The following TICRR variants were observed in gnomAD, a reference collection of about 807,000 sequenced individuals.
TICRR encodes TOPBP1 interacting checkpoint and replication regulator, also known as treslin.
In TICRR, 132 loss-of-function variants were observed where a neutral mutation model predicts 178.1. That is an observed-to-expected ratio of 0.74 (90% CI 0.64 to 0.86). The LOEUF (loss-of-function observed/expected upper bound fraction) is 0.86. Ranked by LOEUF, TICRR falls within the 40% of genes least tolerant of loss-of-function variation. The pLI, the probability that TICRR is intolerant of heterozygous loss-of-function variation, is 0.00. For synonymous variants in TICRR, 991 were observed against 900.7 expected (o/e 1.10, Z -1.79); for missense variants, 2,587 against 2,334.3 (o/e 1.11, Z -2.23).
chr15:89,595,092 A>G (rs1962974557), intron 6 of TICRR, among the ~76,000 whole-genome samples: 1 of 152,186 alleles, frequency 6.6e-6, no homozygotes, highest in African/African-American at 2.4e-5. Flanking sequence ...TTTCGTGGCC[A>G]TTGGGTAACA....
At chr15:89,608,639 T>C in intron 14 of TICRR, 164 bp from the exon 15 acceptor site, 2 of 514,170 alleles carry the variant, frequency 3.9e-6, no homozygotes, top group East Asian at 3.5e-5. Flanking sequence ...TTTAATGCAT[T>C]ATGGGAATAT....
Position 89,624,431 on chromosome 15 carries a change from C to G in TICRR, c.4121C>G (p.Pro1374Arg). ...CAGAGAGCTACATTGGACACCGTCC[C>G]TCCTCCACCCCCTTCTAAAGTTGGG... The part of the protein sequence containing the change: ...LSQRATLDTV[P>R]PPPPSKVGKR... Residue 1374 changes from proline (P) to arginine (R), a missense_variant, in exon 20 of 22, where the codon CCT (proline) becomes CGT (arginine). Coordinates refer to ENST00000268138, the MANE Select transcript of TICRR (RefSeq NM_152259.4). 6.2e-7 allele frequency: 1 copy of G among 1,614,180 alleles called. No homozygotes were observed. Among genetic ancestry groups the G allele is most frequent in the Non-Finnish European group, 8.5e-7 (1 of 1,180,028 alleles).
At chr15:89,586,180 T>C (rs542219933) in intron 4 of TICRR, among the ~76,000 whole-genome samples, 5 of 152,306 alleles carry the variant, frequency 3.3e-5, no homozygotes, top group Non-Finnish European at 7.4e-5. Flanking sequence ...TTTTAATATA[T>C]TTAAGAAATA....
chr15:89,594,651 T>A, intron 6 of TICRR, 97 bp downstream of exon 6: 1 of 1,156,732 alleles, frequency 8.6e-7, no homozygotes, highest in Non-Finnish European at 1.2e-6. Context: ...AAATGGTAAC[T>A]AAATAAAGAA....
Position 89,585,940 on chromosome 15 carries a change from C to T in TICRR, c.1409C>T (p.Ala470Val). ...THDSLADTAS[A>V]ASPVPEWAQQ... Reference sequence around the variant, plus strand: ...GATTCGCTTGCAGATACTGCTTCTGCTGGTAAGCTCCTAAACTAGTAACTA... The same window carrying T: ...GATTCGCTTGCAGATACTGCTTCTGTTGGTAAGCTCCTAAACTAGTAACTA... The change falls in exon 4 of 22, where the codon GCT becomes GTT. Residue 470 changes from alanine (A) to valine (V), a missense_variant and splice_region_variant. By Grantham distance (64) the Ala-to-Val change is moderately conservative (BLOSUM62 0). Transcript: ENST00000268138. 5.0e-6 allele frequency: 8 copies of T among 1,612,852 alleles called. No homozygotes were observed. Among genetic ancestry groups the T allele is most frequent in the Non-Finnish European group, 5.9e-6 (7 of 1,178,944 alleles).
chr15:89,594,378 G>C, intron 5 of TICRR, 37 bp from the exon 6 acceptor site: 1 of 1,544,548 alleles, frequency 6.5e-7, no homozygotes, highest in Non-Finnish European at 8.8e-7. Context: ...TGCAAAATTA[G>C]AATGTTGGTT....
chr15:89,606,663 C>T (rs1963179720), intron 13 of TICRR, 105 bp from the exon 14 acceptor site: 5 of 849,468 alleles, frequency 5.9e-6, no homozygotes, highest in African/African-American at 1.7e-5. Context: ...ATTATGGATC[C>T]CTATAAATGA....
Position 89,625,243 on chromosome 15 carries a change from C to A in TICRR, c.4933C>A (p.Gln1645Lys). The part of the protein sequence containing the change: ...GKSRGQTYIC[Q>K]ACTPTHGPSS... ...GAGCAGGGGGCAAACCTACATCTGC[C>A]AGGCCTGTACCCCCACCCACGGCCC... Residue 1645 changes from glutamine (Q) to lysine (K), a missense_variant, in exon 20 of 22, where the codon CAG becomes AAG. Gln to Lys is a moderately conservative substitution (Grantham distance 53, BLOSUM62 1). Coordinates refer to ENST00000268138, the MANE Select transcript of TICRR (RefSeq NM_152259.4). The A allele has an allele frequency of 6.2e-7, 1 of 1,613,682 alleles. No homozygotes were observed. Among genetic ancestry groups the A allele is most frequent in the Non-Finnish European group, 8.5e-7 (1 of 1,179,702 alleles).
chr15:89,584,635 T>C (rs1034855603), intron 3 of TICRR, 108 bp downstream of exon 3: 4 of 1,144,342 alleles, frequency 3.5e-6, no homozygotes, highest in Non-Finnish European at 4.7e-6. Flanking sequence ...TAAAACTGAT[T>C]ATGCTTTTGC....
intron 18 of TICRR, among the ~76,000 whole-genome samples, chr15:89,621,131 T>C (rs1243957404): frequency 6.6e-6 from 1 of 152,036 alleles, no homozygotes; most frequent in Non-Finnish European, 1.5e-5. Context: ...GCAATTCTTC[T>C]GCCTCAGCCT....
At chr15:89,576,270 C>A (rs747380886) in intron 1 of TICRR, 30 bp downstream of exon 1, 11 of 1,510,436 alleles carry the variant, frequency 7.3e-6, no homozygotes, top group Non-Finnish European at 9.7e-6. Context: ...TCTCAGATGG[C>A]GTGCACGGTG....
chr15:89,589,887 A>T (rs1191686807), intron 4 of TICRR, among the ~76,000 whole-genome samples: 1 of 152,158 alleles, frequency 6.6e-6, no homozygotes, highest in Non-Finnish European at 1.5e-5. Context: ...ATGCTGAGGC[A>T]GGAAGATCGC....
At chr15:89,587,181 C>G (rs1473215850) in intron 4 of TICRR, among the ~76,000 whole-genome samples, 1 of 151,978 alleles carries the variant, frequency 6.6e-6, no homozygotes, top group Non-Finnish European at 1.5e-5. Flanking sequence ...AGACTTTTGC[C>G]CTAAGCTACT....
chr15:89,591,656 GA>G (rs1421853249), intron 4 of TICRR: 1 of 152,810 alleles, frequency 6.5e-6, no homozygotes, highest in African/African-American at 2.4e-5. Flanking sequence ...TTGAACCCGG[GA>G]GGCGGAGGTT....
chr15:89,576,441 A>T (rs1013703735), intron 1 of TICRR, among the ~76,000 whole-genome samples: 1 of 152,068 alleles, frequency 6.6e-6, no homozygotes, highest in Non-Finnish European at 1.5e-5. Context: ...AAGACCCCTC[A>T]CAATTTGGGC....
chr15:89,575,662 GCCGC>G lies in TICRR; in HGVS notation c.79_82del (p.Ala27CysfsTer7). On this transcript the variant is annotated frameshift_variant, in exon 1 of 22. Transcript: ENST00000268138. LOFTEE classifies it high-confidence loss of function. ...CGCCCGCCACAGCCGGGTCCGGCGG[GCCGC>G]CCTGCGCCTCCTCACCTATCTGAGT... 2 of 1,577,442 alleles carry G rather than the reference GCCGC, an allele frequency of 1.3e-6. No homozygotes were observed. Among genetic ancestry groups the G allele is most frequent in the Non-Finnish European group, 1.7e-6 (2 of 1,164,146 alleles).
rs201265436 is a variant in TICRR, at chr15:89,575,636, C to T, written c.50C>T (p.Ala17Val). Residue 17 changes from alanine to valine, a missense_variant, in exon 1 of 22, where the codon GCC becomes GTC. Ala to Val is a moderately conservative substitution (Grantham distance 64). Transcript: ENST00000268138. ...CTGCTGCTGGACACCGCGGGCGGCG[C>T]CGCCCGCCACAGCCGGGTCCGGCGG... ...VMLLLDTAGG[A>V]ARHSRVRRAA... is the part of the protein sequence containing the mutation. 9.2e-4 allele frequency: 1,427 copies of T among 1,551,324 alleles called. 1 individual carries two copies. Among genetic ancestry groups the T allele is most frequent in the Non-Finnish European group, 1.2e-3 (1,379 of 1,153,154 alleles).
At position 89,623,995 on chromosome 15, in the gene TICRR, C is replaced by T; in HGVS notation, c.3685C>T (p.Pro1229Ser). The change falls in exon 20 of 22, where the codon CCA becomes TCA. Residue 1229 changes from proline (P) to serine (S), a missense_variant. Pro to Ser is a moderately conservative substitution (Grantham distance 74). Coordinates refer to ENST00000268138, the MANE Select transcript of TICRR (RefSeq NM_152259.4). ...SPESPSCPAP[P>S]TSSTAQPRRE... Reference sequence around the variant, plus strand: ...AGAAAGCCCCTCCTGTCCAGCCCCTCCAACTTCATCGACTGCCCAGCCCAG... The same window carrying T: ...AGAAAGCCCCTCCTGTCCAGCCCCTTCAACTTCATCGACTGCCCAGCCCAG... 3 of 1,614,054 alleles carry T rather than the reference C, an allele frequency of 1.9e-6. No individual in the cohort carries two copies. Among genetic ancestry groups the T allele is most frequent in the Non-Finnish European group, 2.5e-6 (3 of 1,180,018 alleles).
intron 13 of TICRR, among the ~76,000 whole-genome samples, chr15:89,604,176 T>C (rs1479828021): frequency 6.6e-6 from 1 of 152,240 alleles, no homozygotes; most frequent in Non-Finnish European, 1.5e-5. Context: ...ATAAGAACTA[T>C]CTTTAGAAGC....
Sources: gnomAD v4.1 joint callset for allele counts (sites outside exome capture counted in the v4.1 genomes callset) on GRCh38, gnomAD v4.1.1 for gene constraint, MANE v1.5 for transcripts, NCBI Gene and HGNC (gene_info 2026-07-23, HGNC 2026-07-21) for gene names.